The following ZFHX3 variants were observed in gnomAD, a reference collection of about 807,000 sequenced individuals.
ZFHX3 encodes zinc finger homeobox protein 3.
In ZFHX3, 42 loss-of-function variants were observed where a neutral mutation model predicts 279.1. The ratio of observed to expected loss-of-function variants is 0.15; its 90% CI spans 0.12 to 0.19. The LOEUF (loss-of-function observed/expected upper bound fraction) is 0.19, where lower values mean the gene tolerates loss of function less well. ZFHX3 is among the 10% of genes least tolerant of loss of function. The probability of loss-of-function intolerance (pLI) is 1.00; values close to 1 mark genes in which losing one functional copy is unlikely to be tolerated. For missense variants in ZFHX3, 4,981 were observed against 4,754.0 expected (o/e 1.05, Z -1.40); for synonymous variants, 2,293 against 1,957.8 (o/e 1.17, Z -4.52).
At chr16:73,151,483 G>A (rs1310643845) in intron 5 of ZFHX3, among the ~76,000 whole-genome samples, 1 of 152,168 alleles carries the variant, frequency 6.6e-6, no homozygotes, top group African/African-American at 2.4e-5. Flanking sequence ...GGAACTGTGA[G>A]AAGGATCTGG....
chr16:73,566,891 G>T (rs1597002460), intron 2 of ZFHX3, among the ~76,000 whole-genome samples: 1 of 152,148 alleles, frequency 6.6e-6, no homozygotes, highest in South Asian at 2.1e-4. Context: ...TAGACACGGG[G>T]TTTCTCCATG....
chr16:73,239,193 A>G (rs543671582), intron 5 of ZFHX3, among the ~76,000 whole-genome samples: 1 of 152,220 alleles, frequency 6.6e-6, no homozygotes, highest in Non-Finnish European at 1.5e-5. Context: ...CAGGCCTCCA[A>G]AATAATCAAG....
intron 4 of ZFHX3, among the ~76,000 whole-genome samples, chr16:73,287,440 T>C (rs2014646251): frequency 8.7e-6 from 1 of 115,194 alleles, no homozygotes; most frequent in Non-Finnish European, 1.8e-5. Flanking sequence ...TGGGCCAGTG[T>C]GTGGGTGGTG....
In ZFHX3 at chr16:73,070,928, GCGCGCGCGCGCACACACACA is replaced by G. The variant is rs948620704; in HGVS notation, c.-532-11936_-532-11917del. On this transcript the variant is annotated intron_variant, in intron 8 of 17. Coordinates refer to the ZFHX3 transcript ENST00000641206. ...CCTAGACCGTCTTGCGCGCGCGCGC[GCGCGCGCGCGCACACACACA>G]CACACACACACACACACACACACAT... Among the ~76,000 whole-genome samples, 65 of 31,432 alleles carry G rather than the reference GCGCGCGCGCGCACACACACA, an allele frequency of 2.1e-3. No individual in the cohort carries two copies. In the East Asian group the frequency reaches 0.061, roughly 30 times the overall value. The allele number at this position is 31,432 out of a possible 152,430, so 20.6% of individuals were successfully genotyped here.
chr16:73,638,813 C>A (rs74030142), intron 2 of ZFHX3, among the ~76,000 whole-genome samples: 6 of 152,036 alleles, frequency 3.9e-5, no homozygotes, highest in African/African-American at 4.8e-5. Context: ...AATCAAGAAC[C>A]ATGTTTCTTT....
intron 1 of ZFHX3, among the ~76,000 whole-genome samples, chr16:73,696,861 G>T (rs2053202315): frequency 1.3e-5 from 2 of 152,108 alleles, no homozygotes; most frequent in African/African-American, 4.8e-5. Context: ...AACATAGGTT[G>T]TGAGGTAGAA....
chr16:72,783,353 T>G lies in ZFHX3; in HGVS notation c.*3811A>C, dbSNP rs2035204921. The G allele has an allele frequency of 6.6e-6, 1 of 152,438 alleles. No homozygotes were observed. The highest frequency in any genetic ancestry group is 2.4e-5 in the African/African-American group (1 of 41,372). The allele number at this position is 152,438 out of a possible 1,614,324, so 9.4% of individuals were successfully genotyped here. A position where few individuals can be genotyped will look rare whatever the true frequency, so the allele number is the denominator to read the frequency against. ...AAGCTTTGTTTCACAGTGGGCAGTA[T>G]CTCAGCGCCAACAAACAACTCAATT... On this transcript the variant is annotated 3_prime_UTR_variant, in exon 10 of 10. Transcript: ENST00000268489.
intron 4 of ZFHX3, among the ~76,000 whole-genome samples, chr16:72,843,192 G>C (rs1048184819): frequency 1.5e-4 from 23 of 152,172 alleles, no homozygotes; most frequent in African/African-American, 5.1e-4. Context: ...GGAGACCAGG[G>C]ATTGGAGCAG....
chr16:73,387,328 T>C (rs2016920615), intron 3 of ZFHX3: 1 of 151,898 alleles, frequency 6.6e-6, no homozygotes, highest in Non-Finnish European at 1.5e-5. Flanking sequence ...CACAACTTCA[T>C]GACAAGATAG....
upstream of ZFHX3, among the ~76,000 whole-genome samples, chr16:73,052,215 T>G (rs889978064): frequency 2.2e-5 from 3 of 134,776 alleles, no homozygotes; most frequent in Non-Finnish European, 4.8e-5. Flanking sequence ...AAATTGTAGA[T>G]TTAAAAAAAA....
chr16:73,754,432 C>T (rs1284817768), intron 1 of ZFHX3, among the ~76,000 whole-genome samples: 1 of 151,968 alleles, frequency 6.6e-6, no homozygotes, highest in Non-Finnish European at 1.5e-5. Flanking sequence ...GGCCACAGAC[C>T]ACTAGTGCTG....
At chr16:73,395,149 T>C (rs1448269374) in intron 3 of ZFHX3, among the ~76,000 whole-genome samples, 1 of 152,068 alleles carries the variant, frequency 6.6e-6, no homozygotes, top group Non-Finnish European at 1.5e-5. Context: ...CATACTACAA[T>C]GCACAGGACA....
chr16:73,644,605 G>A (rs762798709), intron 2 of ZFHX3, among the ~76,000 whole-genome samples: 1 of 152,160 alleles, frequency 6.6e-6, no homozygotes, highest in Non-Finnish European at 1.5e-5. Flanking sequence ...AGGATGCAGT[G>A]AGCCGAGATT....
At chr16:72,852,794 T>C (rs2037652123) in intron 4 of ZFHX3, among the ~76,000 whole-genome samples, 1 of 152,150 alleles carries the variant, frequency 6.6e-6, no homozygotes, top group Non-Finnish European at 1.5e-5. Context: ...CTCCCCATGG[T>C]AGTTTTCTCC....
At chr16:73,188,156 C>T (rs1292648907) in intron 5 of ZFHX3, among the ~76,000 whole-genome samples, 7 of 151,680 alleles carry the variant, frequency 4.6e-5, no homozygotes, top group Admixed American at 2.6e-4. Flanking sequence ...CCACTGTGCC[C>T]GGCCAGGTTT....
At chr16:73,246,702 G>C (rs1405361793) in intron 5 of ZFHX3, among the ~76,000 whole-genome samples, 2 of 152,194 alleles carry the variant, frequency 1.3e-5, no homozygotes, top group Non-Finnish European at 2.9e-5. Flanking sequence ...ATATTCTTTA[G>C]ATACGATGTG....
intron 5 of ZFHX3, among the ~76,000 whole-genome samples, chr16:73,229,134 T>C: frequency 6.6e-6 from 1 of 152,206 alleles, no homozygotes; most frequent in Non-Finnish European, 1.5e-5. Flanking sequence ...TTCTGACTTG[T>C]GCTACTGCTT....
chr16:73,194,863 G>A (rs2144892383), intron 5 of ZFHX3, among the ~76,000 whole-genome samples: 1 of 152,326 alleles, frequency 6.6e-6, no homozygotes, highest in East Asian at 1.9e-4. Flanking sequence ...GAACCTCTCA[G>A]TTAATAGTGG....
At chr16:73,373,106 G>A (rs2016660056) in intron 3 of ZFHX3, among the ~76,000 whole-genome samples, 1 of 148,238 alleles carries the variant, frequency 6.7e-6, no homozygotes, top group African/African-American at 2.5e-5. Flanking sequence ...ACCTGGGCCT[G>A]GGGACTTATA....
Sources: allele counts gnomAD v4.1 joint callset (sites outside exome capture counted in the v4.1 genomes callset), GRCh38; gene constraint gnomAD v4.1.1; transcripts MANE v1.5; gene names NCBI Gene and HGNC (gene_info 2026-07-23, HGNC 2026-07-21).